SPIDR: variants seen among roughly 807,000 people sequenced by gnomAD.
SPIDR encodes the protein scaffold protein involved in DNA repair.
SPIDR carries 93 observed loss-of-function variants against 104.6 expected under a neutral mutation model. The ratio of observed to expected loss-of-function variants is 0.89; its 90% confidence interval spans 0.75 to 1.06. The LOEUF (loss-of-function observed/expected upper bound fraction) is 1.06, where lower values mean the gene tolerates loss of function less well. Ranked by LOEUF, SPIDR falls within the 50% of genes least tolerant of loss-of-function variation. SPIDR has a pLI of 0.00. For missense variants in SPIDR, 1,154 were observed against 1,111.2 expected, an observed-to-expected ratio of 1.04 and a Z score of -0.55; for synonymous variants, 431 against 416.9, an observed-to-expected ratio of 1.03 and a Z score of -0.41.
In SPIDR at chr8:47,667,483, G is replaced by A. The variant is rs145550306; in HGVS notation, c.1545-6318G>A. 1.7e-3 allele frequency among the ~76,000 whole-genome samples: 242 copies of A among 145,452 alleles called. 1 individual carries two copies. The highest frequency in any genetic ancestry group is 5.8e-3 in the African/African-American group (230 of 39,998). ...AAAAAAAAGCCAGGCACGGTGGCAT[G>A]TGCCTGTAGTCCTAGCTACTCAGGA... On this transcript the variant is annotated intron_variant, in intron 10 of 19. Transcript: ENST00000297423.
chr8:47,645,187 G>A (rs190113664), intron 10 of SPIDR, among the ~76,000 whole-genome samples: 29 of 152,310 alleles, frequency 1.9e-4, no homozygotes, highest in Admixed American at 1.7e-3. Context: ...AATAGGAACA[G>A]GAAACAAGTT....
rs553365649 is a variant in SPIDR at position 47,536,181 on chromosome 8, A to G, written c.1098-59630A>G. On this transcript the variant is annotated intron_variant, in intron 8 of 19. Transcript: ENST00000297423. ...CTAAACAGGTATTCCACGTTCATAGATAAGAAGACTCAATGTTATTAAGAT... is the reference window on the plus strand; with the variant it reads ...CTAAACAGGTATTCCACGTTCATAGGTAAGAAGACTCAATGTTATTAAGAT... 1.6e-4 allele frequency among the ~76,000 whole-genome samples: 24 copies of G among 152,234 alleles called. No homozygotes were observed. In the South Asian group the frequency reaches 1.9e-3, roughly 12 times the overall value.
chr8:47,511,560 A>C (rs993535858), intron 8 of SPIDR: 7 of 782,800 alleles, frequency 8.9e-6, no homozygotes, highest in African/African-American at 6.8e-5. Flanking sequence ...TGAGTCCTCC[A>C]TTATCCAGGC....
At chr8:47,638,283 A>G (rs2068278819) in intron 10 of SPIDR, among the ~76,000 whole-genome samples, 1 of 152,140 alleles carries the variant, frequency 6.6e-6, no homozygotes, top group South Asian at 2.1e-4. Flanking sequence ...AAGAGGTACA[A>G]GAAGATGAAG....
intron 8 of SPIDR, among the ~76,000 whole-genome samples, chr8:47,526,882 C>T (rs1218784297): frequency 1.3e-5 from 2 of 152,144 alleles, no homozygotes; most frequent in East Asian, 1.9e-4. Flanking sequence ...CAAATTGGAG[C>T]AAATGACAGG....
chr8:47,665,689 C>A (rs910494006), intron 10 of SPIDR, among the ~76,000 whole-genome samples: 1 of 152,186 alleles, frequency 6.6e-6, no homozygotes, highest in Non-Finnish European at 1.5e-5. Flanking sequence ...ACTGCTGATA[C>A]ACAAGGTGAG....
chr8:47,509,624 A>G (rs1408009792), intron 8 of SPIDR, among the ~76,000 whole-genome samples: 1 of 152,210 alleles, frequency 6.6e-6, no homozygotes, highest in Non-Finnish European at 1.5e-5. Context: ...AGCAAGTCGC[A>G]TAACTTTTCA....
chr8:47,610,547 C>T (rs1193491425), intron 10 of SPIDR, among the ~76,000 whole-genome samples: 1 of 152,236 alleles, frequency 6.6e-6, no homozygotes, highest in Non-Finnish European at 1.5e-5. Flanking sequence ...TCTGCCCTCT[C>T]TCCCAGCTGC....
chr8:47,440,540 C>T lies in SPIDR; in HGVS notation c.1095C>T (p.Pro365=), dbSNP rs1554696218. The change falls in exon 8 of 20, where the codon CCC becomes CCT. Residue 365 remains proline, a splice_region_variant and synonymous_variant. Coordinates refer to ENST00000297423, the MANE Select transcript of SPIDR (RefSeq NM_001080394.4). ...RPQDTVRIFP[P]WQKLIIPSGS... ...AGGACACTGTCCGGATCTTCCCTCC[C>T]TGGTGAGTGCGCAGAACTTAATCCA... 6.2e-7 allele frequency: 1 copy of T among 1,612,766 alleles called. No homozygotes were observed. The highest frequency in any genetic ancestry group is 2.2e-5 in the East Asian group (1 of 44,836).
At chr8:47,405,414 A>G (rs1163533897) in intron 6 of SPIDR, among the ~76,000 whole-genome samples, 3 of 152,044 alleles carry the variant, frequency 2.0e-5, no homozygotes, top group Non-Finnish European at 2.9e-5. Flanking sequence ...ATAAAAATAA[A>G]CCAAAATTTT....
chr8:47,547,280 T>G, intron 8 of SPIDR: 2 of 590,758 alleles, frequency 3.4e-6, no homozygotes, highest in Non-Finnish European at 6.7e-6. Context: ...CAACCCTTGG[T>G]GTCATAGATG....
intron 5 of SPIDR, among the ~76,000 whole-genome samples, chr8:47,311,447 G>C (rs1554584984): frequency 6.6e-6 from 1 of 152,106 alleles, no homozygotes. Context: ...TGTTGAAGAA[G>C]TTCAGTGAAT....
intron 16 of SPIDR, 143 bp downstream of exon 16, chr8:47,713,784 T>C (rs1385652457): frequency 8.7e-7 from 1 of 1,143,026 alleles, no homozygotes; most frequent in Non-Finnish European, 1.2e-6. Context: ...AAAGCAGAAA[T>C]TGTTCTTGGT....
intron 8 of SPIDR, among the ~76,000 whole-genome samples, chr8:47,512,832 G>A (rs1223591422): frequency 6.6e-6 from 1 of 152,196 alleles, no homozygotes; most frequent in African/African-American, 2.4e-5. Context: ...CTTGCATTCC[G>A]ATGCGGCACG....
intron 5 of SPIDR, among the ~76,000 whole-genome samples, chr8:47,377,462 C>A (rs976176274): frequency 6.6e-6 from 1 of 152,204 alleles, no homozygotes; most frequent in Non-Finnish European, 1.5e-5. Context: ...CAGGCACAAG[C>A]CTCCAAGTGT....
chr8:47,367,732 A>G (rs1326551423), intron 5 of SPIDR, among the ~76,000 whole-genome samples: 1 of 152,160 alleles, frequency 6.6e-6, no homozygotes, highest in East Asian at 1.9e-4. Context: ...TGTGTCCATA[A>G]CCCGCCCAAG....
intron 5 of SPIDR, among the ~76,000 whole-genome samples, chr8:47,356,527 A>T (rs1462620206): frequency 6.6e-6 from 1 of 152,208 alleles, no homozygotes; most frequent in Non-Finnish European, 1.5e-5. Flanking sequence ...TAAAGAAAGG[A>T]GTGTCTAATG....
intron 5 of SPIDR, among the ~76,000 whole-genome samples, chr8:47,370,744 C>T (rs569709224): frequency 4.0e-4 from 61 of 151,868 alleles, no homozygotes; most frequent in Non-Finnish European, 7.4e-4. Context: ...GCCACCGTGC[C>T]TGGCCAACAT....
At chr8:47,280,905 C>T (rs1303238852) in intron 2 of SPIDR, among the ~76,000 whole-genome samples, 3 of 152,154 alleles carry the variant, frequency 2.0e-5, no homozygotes, top group Non-Finnish European at 4.4e-5. Flanking sequence ...AGGATATTTA[C>T]TAAGAATGTT....
Sources: gnomAD v4.1 joint callset for allele counts (sites outside exome capture counted in the v4.1 genomes callset) on GRCh38, gnomAD v4.1.1 for gene constraint, MANE v1.5 for transcripts, NCBI Gene and HGNC (gene_info 2026-07-23, HGNC 2026-07-21) for gene names.